Variants in ADAMTSL1 observed in about 807,000 individuals in gnomAD.
ADAMTSL1 encodes the protein ADAMTS like 1.
In ADAMTSL1, 126 loss-of-function variants were observed where a neutral mutation model predicts 201.8. The observed-to-expected ratio is 0.62, with a 90% CI of 0.54 to 0.72. ADAMTSL1 has a LOEUF of 0.72. Ranked by LOEUF, ADAMTSL1 falls within the 30% of genes least tolerant of loss-of-function variation. The pLI is 0.00. For missense variants in ADAMTSL1, 2,679 were observed against 2,277.8 expected (o/e 1.18, Z -3.59); for synonymous variants, 1,121 against 903.4 (o/e 1.24, Z -4.32).
chr9:18,332,184 A>G (rs1468385306), intron 2 of ADAMTSL1, among the ~76,000 whole-genome samples: 1 of 152,182 alleles, frequency 6.6e-6, no homozygotes, highest in Admixed American at 6.5e-5. Flanking sequence ...TCCTCACTGT[A>G]CTTTTATACT....
chr9:18,041,098 G>A (rs1449652977), intron 1 of ADAMTSL1, among the ~76,000 whole-genome samples: 1 of 152,152 alleles, frequency 6.6e-6, no homozygotes, highest in Non-Finnish European at 1.5e-5. Context: ...TCTGCTGAAG[G>A]AGCATCAGAA....
intron 2 of ADAMTSL1, among the ~76,000 whole-genome samples, chr9:18,254,140 C>CA (rs1205121803): frequency 1.3e-5 from 2 of 152,038 alleles, no homozygotes; most frequent in African/African-American, 4.8e-5. Flanking sequence ...GTCTTAGACT[C>CA]AATTTCCTCC....
intron 2 of ADAMTSL1, among the ~76,000 whole-genome samples, chr9:18,298,147 C>T (rs1428101174): frequency 6.6e-6 from 1 of 152,084 alleles, no homozygotes; most frequent in Non-Finnish European, 1.5e-5. Context: ...ATTCACAGCT[C>T]AGGTGAGGGT....
intron 2 of ADAMTSL1, among the ~76,000 whole-genome samples, chr9:18,196,650 A>C (rs1273811977): frequency 1.3e-5 from 2 of 151,978 alleles, no homozygotes; most frequent in East Asian, 3.9e-4. Context: ...CAACTTTTCA[A>C]GTTCTTATTT....
chr9:18,289,175 A>ATCTACGTAT (rs1554650792), intron 2 of ADAMTSL1, among the ~76,000 whole-genome samples: 1 of 117,106 alleles, frequency 8.5e-6, no homozygotes, highest in African/African-American at 3.1e-5. Context: ...CTATCTATCT[A>ATCTACGTAT]CCTACCTATC....
At chr9:18,217,438 T>G (rs1411566846) in intron 2 of ADAMTSL1, among the ~76,000 whole-genome samples, 1 of 152,126 alleles carries the variant, frequency 6.6e-6, no homozygotes, top group Non-Finnish European at 1.5e-5. Flanking sequence ...TTCCTCCCTT[T>G]CCTCCTCTGT....
chr9:18,440,564 A>G (rs1320746453), intron 2 of ADAMTSL1, among the ~76,000 whole-genome samples: 1 of 151,392 alleles, frequency 6.6e-6, no homozygotes, highest in African/African-American at 2.4e-5. Flanking sequence ...TAAAAACAAC[A>G]CTTTATTTTA....
chr9:18,817,346 A>G (rs1228325779), intron 21 of ADAMTSL1, 109 bp downstream of exon 21: 5 of 1,144,050 alleles, frequency 4.4e-6, no homozygotes, highest in Non-Finnish European at 6.0e-6. Context: ...TAGTGCTAGT[A>G]GGAAAGCCAA....
intron 5 of ADAMTSL1, among the ~76,000 whole-genome samples, chr9:18,623,496 G>A (rs980348761): frequency 4.6e-5 from 7 of 152,082 alleles, no homozygotes; most frequent in African/African-American, 1.7e-4. Flanking sequence ...TCACAGCCCC[G>A]CTGATAGTCT....
chr9:18,315,372 C>T (rs997950678), intron 2 of ADAMTSL1, among the ~76,000 whole-genome samples: 49 of 152,184 alleles, frequency 3.2e-4, no homozygotes, highest in African/African-American at 9.6e-4. Context: ...CCATGCCAGG[C>T]GCCTGTACTC....
chr9:18,717,682 T>C (rs1833037481), intron 14 of ADAMTSL1, among the ~76,000 whole-genome samples: 6 of 152,212 alleles, frequency 3.9e-5, no homozygotes. Flanking sequence ...TTCATACATG[T>C]ACAACGTGGG....
chr9:18,891,423 T>C (rs74421633), intron 25 of ADAMTSL1, among the ~76,000 whole-genome samples: 2,217 of 152,296 alleles, frequency 0.015, 54 homozygotes, highest in African/African-American at 0.048. Context: ...TCTCGCGATT[T>C]CCCCAAGCTC....
At chr9:18,092,133 T>C (rs1316703279) in intron 1 of ADAMTSL1, among the ~76,000 whole-genome samples, 2 of 152,138 alleles carry the variant, frequency 1.3e-5, no homozygotes, top group African/African-American at 4.8e-5. Context: ...TGGCATCGTC[T>C]ATACTTGGGG....
At chr9:18,246,406 A>C (rs989059961) in intron 2 of ADAMTSL1, among the ~76,000 whole-genome samples, 1 of 152,172 alleles carries the variant, frequency 6.6e-6, no homozygotes, top group Non-Finnish European at 1.5e-5. Flanking sequence ...GATTTTTAAA[A>C]TATGTTCATC....
intron 1 of ADAMTSL1, among the ~76,000 whole-genome samples, chr9:18,001,312 A>G (rs768472848): frequency 6.6e-6 from 1 of 152,100 alleles, no homozygotes; most frequent in Non-Finnish European, 1.5e-5. Flanking sequence ...CAAAGATGAC[A>G]GAAGTAACTG....
At position 18,231,754 on chromosome 9, in the gene ADAMTSL1, C is replaced by A. The variant is rs370104261; in HGVS notation, c.207+67773C>A. Among the ~76,000 whole-genome samples, 33 of 152,292 alleles carry A rather than the reference C, an allele frequency of 2.2e-4. No individual in the cohort carries two copies. In the East Asian group the frequency reaches 6.0e-3, roughly 28 times the overall value. ...GTGAGATAAACTCTGGATCTTCTCC[C>A]CATGTCAGTTAGTAGCTACTCTATC... On this transcript the variant is annotated intron_variant, in intron 2 of 29. Coordinates refer to the ADAMTSL1 transcript ENST00000680146.
At chr9:18,183,577 C>G (rs59505981) in intron 2 of ADAMTSL1, among the ~76,000 whole-genome samples, 3,754 of 152,110 alleles carry the variant, frequency 0.025, 164 homozygotes, top group African/African-American at 0.085. Context: ...GATACCTCAC[C>G]AAAGAAAATA....
intron 23 of ADAMTSL1, among the ~76,000 whole-genome samples, chr9:18,887,442 G>T (rs1828968597): frequency 6.6e-6 from 1 of 151,936 alleles, no homozygotes; most frequent in African/African-American, 2.4e-5. Flanking sequence ...ATATAGTATG[G>T]TATTTTTTCC....
intron 1 of ADAMTSL1, among the ~76,000 whole-genome samples, chr9:18,047,790 T>C (rs1232178924): frequency 6.6e-6 from 1 of 152,206 alleles, no homozygotes; most frequent in African/African-American, 2.4e-5. Flanking sequence ...GCGTTAATAC[T>C]GAGAGAAGTA....
Sources: gnomAD v4.1 joint callset for allele counts (sites outside exome capture counted in the v4.1 genomes callset) on GRCh38, gnomAD v4.1.1 for gene constraint, MANE v1.5 for transcripts, NCBI Gene and HGNC (gene_info 2026-07-23, HGNC 2026-07-21) for gene names.